Variants in KLHL1 observed in about 807,000 individuals in gnomAD.
The protein encoded by KLHL1 is kelch-like protein 1.
In KLHL1, 47 loss-of-function variants were observed where a neutral mutation model predicts 77.7. The ratio of observed to expected loss-of-function variants is 0.60; its 90% CI spans 0.48 to 0.77. The LOEUF (loss-of-function observed/expected upper bound fraction) is 0.77, where lower values mean the gene tolerates loss of function less well. Ranked by LOEUF, KLHL1 falls within the 30% of genes least tolerant of loss-of-function variation. KLHL1 has a pLI of 0.00. For missense variants in KLHL1, 925 were observed against 910.8 expected (o/e 1.02, Z -0.20); for synonymous variants, 360 against 325.2 (o/e 1.11, Z -1.15).
chr13:69,968,670 A>C (rs1219417741), intron 2 of KLHL1, among the ~76,000 whole-genome samples: 1 of 152,138 alleles, frequency 6.6e-6, no homozygotes, highest in Non-Finnish European at 1.5e-5. Flanking sequence ...CCTTAGAAAA[A>C]GGACAGACTG....
intron 1 of KLHL1, among the ~76,000 whole-genome samples, chr13:70,072,422 C>G (rs967638831): frequency 3.3e-5 from 5 of 152,042 alleles, no homozygotes; most frequent in Non-Finnish European, 7.4e-5. Context: ...GAAATATTTT[C>G]TAATCATTCT....
intron 3 of KLHL1, among the ~76,000 whole-genome samples, chr13:69,952,959 A>G (rs972178277): frequency 6.6e-6 from 1 of 151,398 alleles, no homozygotes; most frequent in African/African-American, 2.4e-5. Context: ...GTCAAAACTG[A>G]AGTAAAATAA....
rs555260143 is a variant in KLHL1, at chr13:69,720,238, C to T, written c.1803-657G>A. 9.2e-5 allele frequency among the ~76,000 whole-genome samples: 14 copies of T among 152,002 alleles called. No homozygotes were observed. In the South Asian group the frequency reaches 2.9e-3, roughly 32 times the overall value. On this transcript the variant is annotated intron_variant, in intron 8 of 10. Coordinates refer to ENST00000377844, the MANE Select transcript of KLHL1 (RefSeq NM_020866.3). ...TATTAATGAGAAGTATGATAGAACCCCCCCAAAATAAGTTATGCATCATAA... is the reference window on the plus strand; with the variant it reads ...TATTAATGAGAAGTATGATAGAACCTCCCCAAAATAAGTTATGCATCATAA...
At chr13:70,083,518 T>C (rs917240300) in intron 1 of KLHL1, among the ~76,000 whole-genome samples, 104 of 152,332 alleles carry the variant, frequency 6.8e-4, no homozygotes, top group Non-Finnish European at 7.2e-4. Context: ...ACTAGTGATA[T>C]ACTTATTAAT....
At chr13:70,026,848 T>C (rs976336364) in intron 1 of KLHL1, among the ~76,000 whole-genome samples, 6 of 144,172 alleles carry the variant, frequency 4.2e-5, no homozygotes, top group Admixed American at 7.3e-5. Context: ...GAAAACAAAG[T>C]ATATATTAAA....
chr13:69,709,774 A>C (rs530446856), intron 9 of KLHL1, among the ~76,000 whole-genome samples: 104 of 152,154 alleles, frequency 6.8e-4, no homozygotes, highest in African/African-American at 2.4e-3. Flanking sequence ...GGGCAGAAAA[A>C]TGGATGAAAC....
At chr13:69,810,972 G>T (rs1311050519) in intron 6 of KLHL1, among the ~76,000 whole-genome samples, 1 of 150,886 alleles carries the variant, frequency 6.6e-6, no homozygotes, top group Non-Finnish European at 1.5e-5. Flanking sequence ...AACTGAATCA[G>T]CATTAAGAAA....
At chr13:69,894,885 C>T (rs1236946162) in intron 4 of KLHL1, 10 of 304,944 alleles carry the variant, frequency 3.3e-5, no homozygotes, top group Non-Finnish European at 6.4e-5. Context: ...TAACTAGCAC[C>T]TCTATCATGG....
At chr13:69,761,214 G>T (rs973570827) in intron 7 of KLHL1, among the ~76,000 whole-genome samples, 1 of 152,180 alleles carries the variant, frequency 6.6e-6, no homozygotes, top group African/African-American at 2.4e-5. Context: ...GCTGCCACAT[G>T]GTCAGATAAT....
chr13:69,993,444 G>T (rs537943224), intron 1 of KLHL1, among the ~76,000 whole-genome samples: 2 of 152,164 alleles, frequency 1.3e-5, no homozygotes, highest in African/African-American at 2.4e-5. Flanking sequence ...CTCCAGGCTG[G>T]TCACTCCTGG....
rs71196263 is a variant in KLHL1, at chr13:69,764,929, C to CTTTTTTTTTTTTTTTTTTTT, written c.1640-24393_1640-24374dup. Among the ~76,000 whole-genome samples the CTTTTTTTTTTTTTTTTTTTT allele has an allele frequency of 1.5e-3, 60 of 39,726 alleles. 25 individuals carry two copies. The highest frequency in any genetic ancestry group is 0.021 in the Middle Eastern group (1 of 48). 26.1% of individuals were successfully genotyped at this position (39,726 alleles called of 152,430 possible). The stretch of plus-strand genomic sequence containing the variant: ...TCTCATGCTTTCATGTATATCTTTG[C>CTTTTTTTTTTTTTTTTTTTT]TTTTTTTTTTTTTTTTTTTTTTTTT... On this transcript the variant is annotated intron_variant, in intron 7 of 10. Transcript: ENST00000377844.
At chr13:69,853,370 A>G (rs1879769685) in intron 5 of KLHL1, among the ~76,000 whole-genome samples, 2 of 151,922 alleles carry the variant, frequency 1.3e-5, no homozygotes, top group South Asian at 4.1e-4. Context: ...CCATATGAAG[A>G]AGGATGTTGT....
intron 5 of KLHL1, among the ~76,000 whole-genome samples, chr13:69,864,193 G>C (rs1233810109): frequency 6.6e-6 from 1 of 151,774 alleles, no homozygotes; most frequent in Admixed American, 6.6e-5. Context: ...GGTAAAAACT[G>C]GCATGGTCAT....
At chr13:70,058,199 C>T (rs900406614) in intron 1 of KLHL1, among the ~76,000 whole-genome samples, 1 of 152,148 alleles carries the variant, frequency 6.6e-6, no homozygotes, top group African/African-American at 2.4e-5. Context: ...TGCCAACTTT[C>T]ACCACTGTTA....
intron 4 of KLHL1, among the ~76,000 whole-genome samples, chr13:69,919,326 T>C (rs1236204383): frequency 6.6e-6 from 1 of 152,156 alleles, no homozygotes; most frequent in Non-Finnish European, 1.5e-5. Context: ...ATCATTATTT[T>C]GAATACAGAG....
chr13:70,100,587 C>A (rs1887902292), intron 1 of KLHL1, among the ~76,000 whole-genome samples: 1 of 152,146 alleles, frequency 6.6e-6, no homozygotes, highest in South Asian at 2.1e-4. Flanking sequence ...CCAACCTTGG[C>A]CTCCCAAAGT....
chr13:69,835,496 A>G (rs1344694581), intron 6 of KLHL1, among the ~76,000 whole-genome samples: 1 of 152,084 alleles, frequency 6.6e-6, no homozygotes, highest in Non-Finnish European at 1.5e-5. Flanking sequence ...AGGCGGGAGA[A>G]CAAGGAACCA....
At chr13:70,013,688 TA>T (rs1885590871) in intron 1 of KLHL1, among the ~76,000 whole-genome samples, 1 of 152,192 alleles carries the variant, frequency 6.6e-6, no homozygotes. Context: ...TTAAATACTA[TA>T]AAATATTTGA....
intron 1 of KLHL1, among the ~76,000 whole-genome samples, chr13:70,045,575 AACAC>A (rs35057277): frequency 4.0e-5 from 6 of 150,478 alleles, no homozygotes; most frequent in Non-Finnish European, 5.9e-5. Context: ...AAAAACACAC[AACAC>A]ACACACACAC....
Sources: gnomAD v4.1 joint callset for allele counts (sites outside exome capture counted in the v4.1 genomes callset) on GRCh38, gnomAD v4.1.1 for gene constraint, MANE v1.5 for transcripts, NCBI Gene and HGNC (gene_info 2026-07-23, HGNC 2026-07-21) for gene names.